ZPR1: variants seen among roughly 807,000 people sequenced by gnomAD.
ZPR1 encodes the protein zinc finger protein ZPR1.
A neutral mutation model predicts 59.6 loss-of-function variants in ZPR1; 37 were observed. The observed-to-expected ratio is 0.62, with a 90% CI of 0.48 to 0.82. The LOEUF (loss-of-function observed/expected upper bound fraction) is 0.82, where lower values mean the gene tolerates loss of function less well. Ranked by LOEUF, ZPR1 falls within the 40% of genes least tolerant of loss-of-function variation. ZPR1 has a pLI of 0.00. For missense variants in ZPR1, 527 were observed against 579.9 expected (o/e 0.91, Z 0.94); for synonymous variants, 191 against 215.2 (o/e 0.89, Z 0.99).
rs1440208064 is a variant in ZPR1, at chr11:116,786,533, T to G, written c.473A>C (p.Glu158Ala). The G allele has an allele frequency of 6.2e-7, 1 of 1,614,210 alleles. No homozygotes were observed. Among genetic ancestry groups the G allele is most frequent in the African/African-American group, 1.3e-5 (1 of 75,054 alleles). The change falls in exon 4 of 14, where the codon GAG becomes GCG. Residue 158 changes from glutamate to alanine, a missense_variant. Coordinates refer to ENST00000227322, the MANE Select transcript of ZPR1 (RefSeq NM_003904.5). ...GLITRAISGLEQDQPARRANK... is the reference protein window; with the variant it reads ...GLITRAISGLAQDQPARRANK... ...TACCCTTCGTGCAGGCTGGTCCTGC[T>G]CCAGGCCAGAGATAGCACGGGTGAT...
intron 12 of ZPR1, 32 bp downstream of exon 12, chr11:116,782,126 T>G (rs1258398203): frequency 1.3e-6 from 2 of 1,575,296 alleles, no homozygotes; most frequent in Admixed American, 3.4e-5. Context: ...AGCCCCAGGA[T>G]TCTAAGTACT....
chr11:116,787,537 G>C lies in ZPR1; in HGVS notation c.278C>G (p.Ala93Gly). 6.2e-7 allele frequency: 1 copy of C among 1,614,184 alleles called. No individual in the cohort carries two copies. The highest frequency in any genetic ancestry group is 1.3e-5 in the African/African-American group (1 of 75,058). ...CACTCCCTGGTCCTGGATCCTGCCT[G>C]CCGACTGGATCTCCGTGTTGTTCCA... is the stretch of plus-strand genomic sequence containing the variant. ...CGWNNTEIQS[A>G]GRIQDQGVRY... Residue 93 changes from alanine (A) to glycine (G), a missense_variant, in exon 2 of 14, where the codon GCA becomes GGA. By Grantham distance (60) the Ala-to-Gly change is moderately conservative. Transcript: ENST00000227322.
intron 4 of ZPR1, among the ~76,000 whole-genome samples, chr11:116,786,301 T>A (rs1940885691): frequency 6.6e-6 from 1 of 152,216 alleles, no homozygotes; most frequent in South Asian, 2.1e-4. Flanking sequence ...GAGGTAATGT[T>A]ATATTGTCTG....
In ZPR1 at chr11:116,775,627, C is replaced by CAAAAAAAAAAAAAAA. The variant is rs36148817; in HGVS notation, c.*3283_*3297dup. 2 of 72,942 alleles carry CAAAAAAAAAAAAAAA rather than the reference C, an allele frequency of 2.7e-5. No homozygotes were observed. The highest frequency in any genetic ancestry group is 2.3e-4 in the Admixed American group (1 of 4,402). 4.5% of individuals were successfully genotyped at this position (72,942 alleles called of 1,614,324 possible). A position where few individuals can be genotyped will look rare whatever the true frequency, so the allele number is the denominator to read the frequency against. On this transcript the variant is annotated 3_prime_UTR_variant, in exon 14 of 14. Coordinates refer to ENST00000227322, the MANE Select transcript of ZPR1 (RefSeq NM_003904.5). ...TGGGCAACAGAGTGAGACTCCGTCT[C>CAAAAAAAAAAAAAAA]AAAAAAAAAAAAAAAAAAAAAAAAA...
rs1301411765 is a variant in ZPR1 at position 116,778,943 on chromosome 11, G to A, written c.1362C>T (p.Gly454=). 6.2e-7 allele frequency: 1 copy of A among 1,614,022 alleles called. No individual in the cohort carries two copies. The highest frequency in any genetic ancestry group is 1.7e-5 in the Admixed American group (1 of 60,024). ...CCCACTGCTACCGTTGCGGAGCCAG[G>A]CCTGCCTCATAGCCCTCTGTCTTCA... ...NDMKTEGYEA[G]LAPQR Residue 454 remains glycine (G), a synonymous_variant, in exon 14 of 14, where the codon GGC becomes GGT. Coordinates refer to ENST00000227322, the MANE Select transcript of ZPR1 (RefSeq NM_003904.5).
chr11:116,785,918 G>C, intron 4 of ZPR1, 36 bp from the exon 5 acceptor site: 1 of 1,585,524 alleles, frequency 6.3e-7, no homozygotes, highest in Non-Finnish European at 8.7e-7. Flanking sequence ...CAGCCCTGGT[G>C]GTGTACCTTA....
At chr11:116,782,841 G>C in intron 11 of ZPR1, 78 bp downstream of exon 11, 3 of 1,142,334 alleles carry the variant, frequency 2.6e-6, no homozygotes, top group Non-Finnish European at 4.0e-6. Flanking sequence ...CGAAAATTAG[G>C]ATGTCTGAAG....
At chr11:116,779,984 T>C (rs533648369) in intron 12 of ZPR1, 147 bp from the exon 13 acceptor site, 8 of 351,188 alleles carry the variant, frequency 2.3e-5, no homozygotes, top group African/African-American at 1.5e-4. Flanking sequence ...ACATGGCACA[T>C]GTATACATAT....
Position 116,774,314 on chromosome 11 carries a change from C to G in ZPR1, c.*4611G>C, listed in dbSNP as rs1358237721. On this transcript the variant is annotated 3_prime_UTR_variant, in exon 14 of 14. Transcript: ENST00000227322. The stretch of plus-strand genomic sequence containing the variant: ...AGTCAACATGTTGTACATTAGATTC[C>G]CAGAACTTGTCTTAAAACTGAAAAC... 6.6e-6 allele frequency: 1 copy of G among 151,952 alleles called. No homozygotes were observed. Among genetic ancestry groups the G allele is most frequent in the African/African-American group, 2.4e-5 (1 of 41,352 alleles). The allele number at this position is 151,952 out of a possible 1,614,324, so 9.4% of individuals were successfully genotyped here.
rs765886389 is a variant in ZPR1 at position 116,787,500 on chromosome 11, C to G, written c.315G>C (p.Leu105Phe). The change falls in exon 2 of 14, where the codon TTG becomes TTC. Residue 105 changes from leucine to phenylalanine, a missense_variant. Transcript: ENST00000227322. ...CTCTCACCTCCAGAGCCCTGACAGACAAAGTGTAGCGCACTCCCTGGTCCT... is the reference window on the plus strand; with the variant it reads ...CTCTCACCTCCAGAGCCCTGACAGAGAAAGTGTAGCGCACTCCCTGGTCCT... ...RIQDQGVRYT[L>F]SVRALEDMNR... 3 of 1,613,840 alleles carry G rather than the reference C, an allele frequency of 1.9e-6. No individual in the cohort carries two copies. The highest frequency in any genetic ancestry group is 2.7e-5 in the African/African-American group (2 of 74,912).
At chr11:116,787,349 A>G in intron 2 of ZPR1, 133 bp downstream of exon 2, 1 of 966,904 alleles carries the variant, frequency 1.0e-6, no homozygotes. Context: ...CACCAGTACC[A>G]TTTTACAAAA....
rs751920373 is a variant in ZPR1 at position 116,782,970 on chromosome 11, G to A, written c.1041C>T (p.Leu347=). 8.7e-6 allele frequency: 14 copies of A among 1,614,048 alleles called. No individual in the cohort carries two copies. The highest frequency in any genetic ancestry group is 5.0e-5 in the Admixed American group (3 of 60,004). The change falls in exon 11 of 14, where the codon CTC becomes CTT. Residue 347 remains leucine, a synonymous_variant. Coordinates refer to ENST00000227322, the MANE Select transcript of ZPR1 (RefSeq NM_003904.5). Reference sequence around the variant, plus strand: ...CTTCCAGTGTGGTGAACTTGCCCCCGAGGACTGCCATTCCCAGTTCAAATT... The same window carrying A: ...CTTCCAGTGTGGTGAACTTGCCCCCAAGGACTGCCATTCCCAGTTCAAATT... ...ELEFELGMAV[L]GGKFTTLEGL...
chr11:116,787,501 A>G lies in ZPR1; in HGVS notation c.314T>C (p.Leu105Ser). The G allele has an allele frequency of 6.2e-7, 1 of 1,613,944 alleles. No homozygotes were observed. Among genetic ancestry groups the G allele is most frequent in the Non-Finnish European group, 8.5e-7 (1 of 1,179,890 alleles). ...TCTCACCTCCAGAGCCCTGACAGAC[A>G]AAGTGTAGCGCACTCCCTGGTCCTG... ...RIQDQGVRYT[L>S]SVRALEDMNR... The change falls in exon 2 of 14, where the codon TTG (leucine) becomes TCG (serine). Residue 105 changes from leucine (L) to serine (S), a missense_variant. Leu to Ser is a moderately radical substitution (Grantham distance 145). Transcript: ENST00000227322.
intron 6 of ZPR1, 109 bp from the exon 7 acceptor site, chr11:116,785,255 AG>A (rs1940866637): frequency 7.9e-7 from 1 of 1,273,236 alleles, no homozygotes; most frequent in Non-Finnish European, 1.1e-6. Context: ...CAGTTATGTC[AG>A]GTGCCACCTC....
Position 116,778,095 on chromosome 11 carries a change from T to C in ZPR1, c.*830A>G, listed in dbSNP as rs1183879399. ...CCCAAATGTCAAATTATCACCTTCT[T>C]GTTCAGAAGATCTTCCCTACTCCCC... On this transcript the variant is annotated 3_prime_UTR_variant, in exon 14 of 14. Coordinates refer to ENST00000227322, the MANE Select transcript of ZPR1 (RefSeq NM_003904.5). The C allele has an allele frequency of 6.6e-6, 1 of 152,284 alleles. No individual in the cohort carries two copies. The highest frequency in any genetic ancestry group is 1.5e-5 in the Non-Finnish European group (1 of 68,092). 9.4% of individuals were successfully genotyped at this position (152,284 alleles called of 1,614,324 possible).
chr11:116,774,310 A>T lies in ZPR1; in HGVS notation c.*4615T>A, dbSNP rs1416028940. The stretch of plus-strand genomic sequence containing the variant: ...CTATAGTCAACATGTTGTACATTAG[A>T]TTCCCAGAACTTGTCTTAAAACTGA... On this transcript the variant is annotated 3_prime_UTR_variant, in exon 14 of 14. Transcript: ENST00000227322. 6.6e-6 allele frequency: 1 copy of T among 152,186 alleles called. No individual in the cohort carries two copies. The highest frequency in any genetic ancestry group is 1.5e-5 in the Non-Finnish European group (1 of 68,032). 9.4% of individuals were successfully genotyped at this position (152,186 alleles called of 1,614,324 possible). A position where few individuals can be genotyped will look rare whatever the true frequency, so the allele number is the denominator to read the frequency against.
In ZPR1 at chr11:116,773,807, G is replaced by A. The variant is rs1940684183; in HGVS notation, c.*5118C>T. ...GAATTCTAACACTCAAGTTTTGGGGGGAAAGAAAAGACTTTATTCTTTGCA... is the reference window on the plus strand; with the variant it reads ...GAATTCTAACACTCAAGTTTTGGGGAGAAAGAAAAGACTTTATTCTTTGCA... On this transcript the variant is annotated 3_prime_UTR_variant, in exon 14 of 14. Transcript: ENST00000227322. The A allele has an allele frequency of 6.6e-6, 1 of 152,088 alleles. No individual in the cohort carries two copies. Among genetic ancestry groups the A allele is most frequent in the Non-Finnish European group, 1.5e-5 (1 of 68,022 alleles). 9.4% of individuals were successfully genotyped at this position (152,088 alleles called of 1,614,324 possible).
In ZPR1 at chr11:116,775,456, CAAA is replaced by C. The variant is rs556748837; in HGVS notation, c.*3466_*3468del. 3.8e-4 allele frequency: 26 copies of C among 68,010 alleles called. No homozygotes were observed. The highest frequency in any genetic ancestry group is 4.6e-4 in the South Asian group (1 of 2,178). The allele number at this position is 68,010 out of a possible 1,614,324, so 4.2% of individuals were successfully genotyped here. A position where few individuals can be genotyped will look rare whatever the true frequency, so the allele number is the denominator to read the frequency against. ...CTGGGTGACAGAGCAAGACTGTCTC[CAAA>C]AAAAAAAAAAAAAAAAAAATTAGCC... On this transcript the variant is annotated 3_prime_UTR_variant, in exon 14 of 14. Coordinates refer to ENST00000227322, the MANE Select transcript of ZPR1 (RefSeq NM_003904.5).
intron 10 of ZPR1, 44 bp downstream of exon 10, chr11:116,783,486 C>T (rs766031492): frequency 6.6e-7 from 1 of 1,519,778 alleles, no homozygotes; most frequent in South Asian, 1.1e-5. Flanking sequence ...GACAGTTTAT[C>T]TAACTTATGA....
Sources: gnomAD v4.1 joint callset for allele counts (sites outside exome capture counted in the v4.1 genomes callset) on GRCh38, gnomAD v4.1.1 for gene constraint, MANE v1.5 for transcripts, NCBI Gene and HGNC (gene_info 2026-07-23, HGNC 2026-07-21) for gene names.